The following DNAH14 variants were observed in gnomAD, a reference collection of about 807,000 sequenced individuals.
DNAH14 encodes the protein axonemal beta dynein heavy chain 14.
Under a neutral mutation model 520.9 loss-of-function variants are expected in DNAH14, and 478 were observed. That is an observed-to-expected ratio of 0.92 (90% CI 0.85 to 0.99). The LOEUF is 0.99. DNAH14 is among the 50% of genes least tolerant of loss of function. DNAH14 has a pLI of 0.00. For missense variants in DNAH14, 4,831 were observed against 5,234.5 expected (o/e 0.92, Z 2.38); for synonymous variants, 1,581 against 1,757.2 (o/e 0.90, Z 2.51).
At chr1:225,240,327 TA>T (rs1413837139) in intron 42 of DNAH14, among the ~76,000 whole-genome samples, 1 of 150,412 alleles carries the variant, frequency 6.6e-6, no homozygotes, top group Non-Finnish European at 1.5e-5. Flanking sequence ...ATATGTTAAA[TA>T]AAAACATATT....
intron 81 of DNAH14, among the ~76,000 whole-genome samples, chr1:225,385,264 C>T (rs576327460): frequency 2.0e-5 from 3 of 152,254 alleles, no homozygotes. Flanking sequence ...AAACCCACAG[C>T]CAATATCATA....
At chr1:225,025,333 A>AATATATAT (rs10653727) in intron 11 of DNAH14, among the ~76,000 whole-genome samples, 11 of 146,930 alleles carry the variant, frequency 7.5e-5, no homozygotes, top group Non-Finnish European at 1.4e-4. Context: ...TCTTATCTCA[A>AATATATAT]ATATATATAT....
intron 33 of DNAH14, 25 bp downstream of exon 33, chr1:225,152,908 A>T: frequency 6.5e-7 from 1 of 1,542,744 alleles, no homozygotes; most frequent in African/African-American, 1.4e-5. Context: ...TTCTCAAAAT[A>T]TTTAAAGGTG....
chr1:225,351,010 C>T (rs554063063), intron 71 of DNAH14, among the ~76,000 whole-genome samples: 2 of 152,166 alleles, frequency 1.3e-5, no homozygotes, highest in Non-Finnish European at 2.9e-5. Flanking sequence ...CCAAATTCAA[C>T]AGCACATTAA....
chr1:224,966,682 A>C lies in DNAH14; in HGVS notation c.499-749A>C, dbSNP rs2061189207. Reference sequence around the variant, plus strand: ...TTCTCAAATTATCTAACTTATCAAAATATTCATTTTTTAAAATTTGAAAAA... The same window carrying C: ...TTCTCAAATTATCTAACTTATCAAACTATTCATTTTTTAAAATTTGAAAAA... On this transcript the variant is annotated intron_variant, in intron 5 of 85. Coordinates refer to ENST00000682510, the MANE Select transcript of DNAH14 (RefSeq NM_001367479.1). Among the ~76,000 whole-genome samples the C allele has an allele frequency of 2.0e-5, 3 of 152,108 alleles. 1 individual carries two copies. The South Asian group carries it at 6.2e-4, about 31-fold the overall frequency.
At chr1:225,163,137 CAAA>C (rs34356854) in intron 35 of DNAH14, among the ~76,000 whole-genome samples, 9 of 53,682 alleles carry the variant, frequency 1.7e-4, no homozygotes, top group South Asian at 8.3e-4. Flanking sequence ...GACCCTATCT[CAAA>C]AAAAAAAAAA....
chr1:225,374,862 G>A lies in DNAH14; in HGVS notation c.12493G>A (p.Asp4165Asn), dbSNP rs2095676687. ...KFCNPEVLKD[D>N]FSFSSDGICL... ...TTGTAATCCTGAAGTGCTGAAAGAT[G>A]ACTTCAGTTTCTCCAGTGATGGGGT... is the stretch of plus-strand genomic sequence containing the variant. Residue 4165 changes from aspartate (D) to asparagine (N), a missense_variant, in exon 78 of 86, where the codon GAC becomes AAC. Asp to Asn is a conservative substitution (Grantham distance 23, BLOSUM62 1). Transcript: ENST00000682510. The A allele has an allele frequency of 2.6e-6, 4 of 1,550,244 alleles. No individual in the cohort carries two copies. Among genetic ancestry groups the A allele is most frequent in the Non-Finnish European group, 3.5e-6 (4 of 1,146,072 alleles).
In DNAH14 at chr1:224,955,005, G is replaced by A; in HGVS notation, c.124G>A (p.Glu42Lys). Residue 42 changes from glutamate (E) to lysine (K), a missense_variant, in exon 3 of 86, where the codon GAG becomes AAG. Glu to Lys is a moderately conservative substitution (Grantham distance 56). Transcript: ENST00000682510. ...AAAATATGAAGATGTGAAACCATTA[G>A]AGACTCAACCAGCTGAAATAGCAGA... ...EKKYEDVKPLETQPAEIAEKE... is the reference protein window; with the variant it reads ...EKKYEDVKPLKTQPAEIAEKE... 1 of 1,609,148 alleles carries A rather than the reference G, an allele frequency of 6.2e-7. No homozygotes were observed. The highest frequency in any genetic ancestry group is 1.1e-5 in the South Asian group (1 of 90,676).
chr1:224,958,345 C>T (rs989273290), intron 3 of DNAH14, among the ~76,000 whole-genome samples: 1 of 151,968 alleles, frequency 6.6e-6, no homozygotes, highest in Admixed American at 6.6e-5. Flanking sequence ...TTGGGGGTTA[C>T]CAATCCACGT....
intron 56 of DNAH14, 142 bp downstream of exon 56, chr1:225,301,172 C>T (rs775817018): frequency 2.1e-5 from 18 of 838,322 alleles, no homozygotes; most frequent in Non-Finnish European, 2.7e-5. Flanking sequence ...GGTACCCTAC[C>T]TACAGACAAC....
rs555018755 is a variant in DNAH14 at position 225,140,740 on chromosome 1, T to G, written c.4255-28T>G. On this transcript the variant is annotated intron_variant, in intron 27 of 85. Coordinates refer to ENST00000682510, the MANE Select transcript of DNAH14 (RefSeq NM_001367479.1). ...AATTATATATATATAGAGAGAGATA[T>G]ATATATAACATTATCTTACTTTTTC... The G allele has an allele frequency of 6.5e-5, 90 of 1,390,700 alleles. 1 individual carries two copies. The highest frequency in any genetic ancestry group is 5.0e-4 in the African/African-American group (35 of 69,618). The allele number at this position is 1,390,700 out of a possible 1,614,324, so 86.1% of individuals were successfully genotyped here. A position where few individuals can be genotyped will look rare whatever the true frequency, so the allele number is the denominator to read the frequency against.
chr1:225,126,781 T>G (rs1458974162), intron 27 of DNAH14, among the ~76,000 whole-genome samples: 1 of 152,148 alleles, frequency 6.6e-6, no homozygotes, highest in Non-Finnish European at 1.5e-5. Flanking sequence ...GCTTTTCTAG[T>G]TCTTTTAATT....
intron 79 of DNAH14, among the ~76,000 whole-genome samples, chr1:225,378,879 CA>C (rs113657495): frequency 2.2e-5 from 3 of 135,344 alleles, no homozygotes; most frequent in African/African-American, 2.8e-5. Flanking sequence ...AACTCCGTCC[CA>C]AAAAAAAAAA....
chr1:225,228,338 G>C (rs971914639), intron 41 of DNAH14, among the ~76,000 whole-genome samples: 2 of 152,164 alleles, frequency 1.3e-5, no homozygotes, highest in Non-Finnish European at 2.9e-5. Flanking sequence ...ATGTAGGGGA[G>C]CAACAAGATG....
chr1:225,083,263 A>G (rs2073349000), intron 20 of DNAH14, among the ~76,000 whole-genome samples: 4 of 152,122 alleles, frequency 2.6e-5, no homozygotes, highest in Admixed American at 1.3e-4. Context: ...CTAACTTACA[A>G]TAAGCTTCAT....
chr1:225,166,763 G>A (rs2082081856), intron 35 of DNAH14, among the ~76,000 whole-genome samples: 2 of 152,124 alleles, frequency 1.3e-5, no homozygotes, highest in Admixed American at 6.6e-5. Flanking sequence ...GATTAACTGA[G>A]AATTGTTGAA....
intron 17 of DNAH14, among the ~76,000 whole-genome samples, chr1:225,055,994 A>G (rs1197138044): frequency 6.6e-6 from 1 of 151,954 alleles, no homozygotes; most frequent in East Asian, 1.9e-4. Flanking sequence ...TGCAATAAAT[A>G]TACATGTGCA....
chr1:225,040,334 T>C (rs893718936), intron 12 of DNAH14, among the ~76,000 whole-genome samples: 1 of 152,210 alleles, frequency 6.6e-6, no homozygotes, highest in Non-Finnish European at 1.5e-5. Flanking sequence ...ATACACACTA[T>C]GTAGTTTGAA....
At chr1:225,001,798 T>A (rs2063792325) in intron 8 of DNAH14, among the ~76,000 whole-genome samples, 1 of 152,188 alleles carries the variant, frequency 6.6e-6, no homozygotes, top group Non-Finnish European at 1.5e-5. Context: ...TTCTATGATG[T>A]GCCACATGTC....
Sources: gnomAD v4.1 joint callset for allele counts (sites outside exome capture counted in the v4.1 genomes callset) on GRCh38, gnomAD v4.1.1 for gene constraint, MANE v1.5 for transcripts, NCBI Gene and HGNC (gene_info 2026-07-23, HGNC 2026-07-21) for gene names.